ITGA2: variants seen among roughly 807,000 people sequenced by gnomAD.
ITGA2 encodes the protein integrin subunit alpha 2, also known as integrin alpha-2.
Under a neutral mutation model 146.3 loss-of-function variants are expected in ITGA2, and 101 were observed. The observed-to-expected ratio is 0.69, with a 90% CI of 0.59 to 0.81. The LOEUF is 0.81. Ranked by LOEUF, ITGA2 falls within the 40% of genes least tolerant of loss-of-function variation. ITGA2 has a pLI of 0.00. For synonymous variants in ITGA2, 477 were observed against 487.1 expected (o/e 0.98, Z 0.27); for missense variants, 1,281 against 1,402.7 (o/e 0.91, Z 1.39).
chr5:52,991,143 C>A (rs1023516626), intron 1 of ITGA2, among the ~76,000 whole-genome samples: 1 of 152,042 alleles, frequency 6.6e-6, no homozygotes, highest in African/African-American at 2.4e-5. Flanking sequence ...CAGAGATGAT[C>A]GAAAATAACA....
chr5:53,042,745 G>A (rs768793162), intron 3 of ITGA2, among the ~76,000 whole-genome samples: 26 of 152,174 alleles, frequency 1.7e-4, no homozygotes, highest in Middle Eastern at 3.4e-3. Context: ...TTTACTAAAG[G>A]TTCAAGGGTA....
At chr5:52,995,714 G>A (rs571082063) in intron 1 of ITGA2, among the ~76,000 whole-genome samples, 9 of 152,328 alleles carry the variant, frequency 5.9e-5, no homozygotes, top group Admixed American at 1.3e-4. Flanking sequence ...AGTGGCGTTA[G>A]GAACAGGCAG....
At chr5:53,002,206 GACCAATAAATTCA>G (rs1741618455) in intron 1 of ITGA2, among the ~76,000 whole-genome samples, 1 of 151,760 alleles carries the variant, frequency 6.6e-6, no homozygotes, top group Non-Finnish European at 1.5e-5. Context: ...AAACATTTTT[GACCAATAAATTCA>G]ACTCACTTTT....
rs1740594071 is a variant in ITGA2, at chr5:53,094,334, G to C, written c.*3735G>C. ...CTTAACTATTTCTTTGAACTCTAAAGACTGAAACTGTAGCCATTATGTAAA... is the reference window on the plus strand; with the variant it reads ...CTTAACTATTTCTTTGAACTCTAAACACTGAAACTGTAGCCATTATGTAAA... On this transcript the variant is annotated 3_prime_UTR_variant, in exon 30 of 30. Coordinates refer to ENST00000296585, the MANE Select transcript of ITGA2 (RefSeq NM_002203.4). 6.6e-6 allele frequency: 1 copy of C among 151,966 alleles called. No individual in the cohort carries two copies. The highest frequency in any genetic ancestry group is 2.1e-4 in the South Asian group (1 of 4,828). 9.4% of individuals were successfully genotyped at this position (151,966 alleles called of 1,614,324 possible). A position where few individuals can be genotyped will look rare whatever the true frequency, so the allele number is the denominator to read the frequency against.
At chr5:53,061,133 T>C in intron 12 of ITGA2, 87 bp downstream of exon 12, 1 of 1,251,942 alleles carries the variant, frequency 8.0e-7, no homozygotes, top group Admixed American at 1.7e-5. Flanking sequence ...GAAAACAACA[T>C]GGCCTGAGTG....
At chr5:52,992,519 C>T (rs574343314) in intron 1 of ITGA2, among the ~76,000 whole-genome samples, 1 of 152,176 alleles carries the variant, frequency 6.6e-6, no homozygotes, top group Non-Finnish European at 1.5e-5. Context: ...TGTTTAATGG[C>T]AGTATTATTA....
At chr5:53,070,306 A>G (rs1745330154) in intron 17 of ITGA2, 46 bp downstream of exon 17, 1 of 1,602,926 alleles carries the variant, frequency 6.2e-7, no homozygotes, top group African/African-American at 1.3e-5. Context: ...CTTCCTAAAG[A>G]CGAGAGAGTG....
At chr5:53,001,484 C>T (rs1196943697) in intron 1 of ITGA2, among the ~76,000 whole-genome samples, 8 of 152,140 alleles carry the variant, frequency 5.3e-5, no homozygotes, top group African/African-American at 1.9e-4. Context: ...AGATACCCCA[C>T]TTTTGACAGG....
chr5:53,073,281 T>G (rs750552802), intron 20 of ITGA2, 22 bp downstream of exon 20: 1 of 1,611,244 alleles, frequency 6.2e-7, no homozygotes, highest in South Asian at 1.1e-5. Flanking sequence ...GACCCTGTAC[T>G]TACTTCCACC....
intron 20 of ITGA2, among the ~76,000 whole-genome samples, chr5:53,073,960 A>C (rs188405392): frequency 0.032 from 4,892 of 151,268 alleles, 118 homozygotes; most frequent in East Asian, 0.072. Flanking sequence ...AAAAAAAAAA[A>C]AAAAAACCCT....
intron 3 of ITGA2, among the ~76,000 whole-genome samples, chr5:53,043,421 A>G (rs1231448968): frequency 6.6e-6 from 1 of 152,216 alleles, no homozygotes; most frequent in Non-Finnish European, 1.5e-5. Context: ...AATAAATTTT[A>G]AAGAATAACA....
At chr5:53,084,274 C>A (rs1255433112) in intron 27 of ITGA2, among the ~76,000 whole-genome samples, 2 of 150,534 alleles carry the variant, frequency 1.3e-5, no homozygotes, top group Admixed American at 6.7e-5. Context: ...TCCTGGGGAT[C>A]TTTGTAGCTC....
intron 23 of ITGA2, among the ~76,000 whole-genome samples, chr5:53,075,860 C>T (rs75305499): frequency 2.0e-5 from 3 of 151,192 alleles, no homozygotes; most frequent in African/African-American, 4.9e-5. Context: ...GGTTTTCTTC[C>T]AGCCAGGTGG....
At chr5:53,044,484 G>A (rs1439914351) in intron 3 of ITGA2, among the ~76,000 whole-genome samples, 1 of 151,882 alleles carries the variant, frequency 6.6e-6, no homozygotes, top group Non-Finnish European at 1.5e-5. Context: ...TGATGCCCTA[G>A]GTCAGTGGAA....
chr5:53,077,614 C>T (rs1173577478), intron 23 of ITGA2, among the ~76,000 whole-genome samples: 3 of 152,060 alleles, frequency 2.0e-5, no homozygotes, highest in African/African-American at 7.2e-5. Flanking sequence ...CATGCACACA[C>T]ATCCAAGCTT....
chr5:53,025,551 C>A (rs1410522585), intron 1 of ITGA2, among the ~76,000 whole-genome samples: 1 of 152,214 alleles, frequency 6.6e-6, no homozygotes, highest in African/African-American at 2.4e-5. Context: ...TCATTGACTT[C>A]ATTATCATTT....
At position 53,078,867 on chromosome 5, in the gene ITGA2, C is replaced by T. The variant is rs748674669; in HGVS notation, c.2921C>T (p.Ser974Phe). ...GATGTTGGTCCAAAATTCATCTTCT[C>T]CCTGAAGGTTGGTAAGCCTGTCATA... ...FEDVGPKFIFSLKVTTGSVPV... is the reference protein window; with the variant it reads ...FEDVGPKFIFFLKVTTGSVPV... The change falls in exon 24 of 30, where the codon TCC becomes TTC. Residue 974 changes from serine (S) to phenylalanine (F), a missense_variant. Physicochemically the swap from Ser to Phe is radical, Grantham distance 155 (BLOSUM62 -2). Transcript: ENST00000296585. The T allele has an allele frequency of 5.0e-6, 8 of 1,588,374 alleles. No individual in the cohort carries two copies. Among genetic ancestry groups the T allele is most frequent in the Non-Finnish European group, 6.9e-6 (8 of 1,157,514 alleles).
chr5:53,055,747 A>G, intron 8 of ITGA2, 59 bp downstream of exon 8: 2 of 1,583,534 alleles, frequency 1.3e-6, no homozygotes, highest in East Asian at 2.2e-5. Context: ...TCTTTATAGC[A>G]TCACTTCTCA....
chr5:52,994,488 G>C (rs1287584232), intron 1 of ITGA2, among the ~76,000 whole-genome samples: 1 of 152,190 alleles, frequency 6.6e-6, no homozygotes, highest in Non-Finnish European at 1.5e-5. Flanking sequence ...GATCTGCTGG[G>C]TGACTTATGG....
Sources: allele counts gnomAD v4.1 joint callset (sites outside exome capture counted in the v4.1 genomes callset), GRCh38; gene constraint gnomAD v4.1.1; transcripts MANE v1.5; gene names NCBI Gene and HGNC (gene_info 2026-07-23, HGNC 2026-07-21).